USP26: variants seen among roughly 807,000 people sequenced by gnomAD.
The protein encoded by USP26 is ubiquitin carboxyl-terminal hydrolase 26.
For synonymous variants in USP26, 236 were observed against 240.6 expected (o/e 0.98, Z 0.18); for missense variants, 649 against 642.3 (o/e 1.01, Z -0.11).
chrX:133,078,386 C>T (rs1231907891), intron 5 of USP26, among the ~76,000 whole-genome samples: 1 of 111,445 alleles, frequency 9.0e-6, no homozygotes, highest in Non-Finnish European at 1.9e-5. Context: ...TAATGAAAAC[C>T]CCTCTGAACT....
intron 5 of USP26, among the ~76,000 whole-genome samples, chrX:133,065,640 A>G (rs1402121102): frequency 1.8e-5 from 2 of 112,160 alleles, no homozygotes; most frequent in Non-Finnish European, 3.8e-5. Flanking sequence ...GAATATCTCA[A>G]TGGATGCAGA....
chrX:133,089,212 C>T (rs1008662747), intron 4 of USP26, among the ~76,000 whole-genome samples: 6 of 110,863 alleles, frequency 5.4e-5, no homozygotes, highest in Non-Finnish European at 1.1e-4. Flanking sequence ...GTAGAGGAAT[C>T]ACAGGTATCT....
intron 4 of USP26, among the ~76,000 whole-genome samples, chrX:133,088,119 A>T (rs995222636): frequency 6.3e-5 from 7 of 111,667 alleles, no homozygotes. Context: ...GCAGTGAACC[A>T]TGATCATGCC....
At chrX:133,069,363 T>A (rs1175824101) in intron 5 of USP26, among the ~76,000 whole-genome samples, 1 of 111,390 alleles carries the variant, frequency 9.0e-6, no homozygotes, top group African/African-American at 3.3e-5. Context: ...AAAACTTCTT[T>A]GTCTACTAAC....
At position 133,074,896 on chromosome X, in the gene USP26, C is replaced by CAATAA. The variant is rs2067542563; in HGVS notation, c.-77+8810_-77+8811insTTATT. ...CAGGACAGAAGTAAAAATAGAAAAC[C>CAATAA]AATAGATTGTCAAGTCCTATGGCTG... is the stretch of plus-strand genomic sequence containing the variant. On this transcript the variant is annotated intron_variant, in intron 5 of 5. Coordinates refer to ENST00000511190, the MANE Select transcript of USP26 (RefSeq NM_031907.3). Among the ~76,000 whole-genome samples, 4 of 111,762 alleles carry CAATAA rather than the reference C, an allele frequency of 3.6e-5. No individual in the cohort carries two copies. The South Asian group carries it at 1.5e-3, about 42-fold the overall frequency.
intron 2 of USP26, among the ~76,000 whole-genome samples, chrX:133,091,095 G>A (rs2067605788): frequency 1.8e-5 from 2 of 112,389 alleles, no homozygotes; most frequent in Non-Finnish European, 3.7e-5. Context: ...CTGGAACCTT[G>A]TCATACCAGC....
chrX:133,047,243 A>G, intron 5 of USP26, among the ~76,000 whole-genome samples: 1 of 112,160 alleles, frequency 8.9e-6, no homozygotes, highest in Non-Finnish European at 1.9e-5. Flanking sequence ...ACTTATGTCC[A>G]GTGATCAGGG....
At chrX:133,034,082 G>T (rs1274063287) in intron 5 of USP26, among the ~76,000 whole-genome samples, 9 of 111,685 alleles carry the variant, frequency 8.1e-5, no homozygotes, top group African/African-American at 6.5e-5. Flanking sequence ...CCACGTTTGA[G>T]TTTTCCTGCC....
At chrX:133,096,029 G>A (rs1430355624) in intron 1 of USP26, among the ~76,000 whole-genome samples, 1 of 102,461 alleles carries the variant, frequency 9.8e-6, no homozygotes, top group Non-Finnish European at 2.0e-5. Context: ...ACAGGCATGA[G>A]CCACGGCGCC....
Position 133,025,748 on chromosome X carries a change from G to A in USP26, c.2473C>T (p.Arg825Trp), listed in dbSNP as rs747682836. Reference sequence around the variant, plus strand: ...AGATGGCTGACAACACTAATGAGCCGGTAGGTATGATCTCCCTTATCATCA... The same window carrying A: ...AGATGGCTGACAACACTAATGAGCCAGTAGGTATGATCTCCCTTATCATCA... ...RNDDKGDHTY[R>W]LISVVSHLGK... The change falls in exon 6 of 6, where the codon CGG (arginine) becomes TGG (tryptophan). Residue 825 changes from arginine to tryptophan, a missense_variant. Physicochemically the swap from Arg to Trp is moderately radical, Grantham distance 101. Transcript: ENST00000511190. 3 of 1,208,744 alleles carry A rather than the reference G, an allele frequency of 2.5e-6. No individual in the cohort carries two copies. Among genetic ancestry groups the A allele is most frequent in the South Asian group, 1.8e-5 (1 of 56,907 alleles).
At position 133,027,371 on chromosome X, in the gene USP26, G is replaced by A. The variant is rs750212033; in HGVS notation, c.850C>T (p.Leu284=). Residue 284 remains leucine, a synonymous_variant, in exon 6 of 6, where the codon CTA becomes TTA. Coordinates refer to ENST00000511190, the MANE Select transcript of USP26 (RefSeq NM_031907.3). ...DGYTKWDKLK[L]FFELFPEKIC... Reference sequence around the variant, plus strand: ...TTCTCTGGAAATAATTCAAAAAATAGTTTTAATTTATCCCACTTTGTGTAA... The same window carrying A: ...TTCTCTGGAAATAATTCAAAAAATAATTTTAATTTATCCCACTTTGTGTAA... 8.3e-7 allele frequency: 1 copy of A among 1,209,525 alleles called. No individual in the cohort carries two copies. The highest frequency in any genetic ancestry group is 1.7e-5 in the African/African-American group (1 of 57,181).
rs547044681 is a variant in USP26 at position 133,084,952 on chromosome X, G to A, written c.-141-1181C>T. 1.0e-4 allele frequency among the ~76,000 whole-genome samples: 11 copies of A among 109,730 alleles called. No homozygotes were observed. In the South Asian group the frequency reaches 4.4e-3, roughly 43 times the overall value. On this transcript the variant is annotated intron_variant, in intron 4 of 5. Transcript: ENST00000511190. The stretch of plus-strand genomic sequence containing the variant: ...TGTATCAGTCTTTTTCTTTTGAGAC[G>A]GAGTCTCACTCTGTCACCCAGGCTG...
chrX:133,089,704 T>C (rs2067600879), intron 4 of USP26, among the ~76,000 whole-genome samples: 1 of 112,413 alleles, frequency 8.9e-6, no homozygotes, highest in African/African-American at 3.2e-5. Context: ...TGAGTGCCTA[T>C]TGTGTACTAG....
chrX:133,050,599 T>C (rs1602977170), intron 5 of USP26, among the ~76,000 whole-genome samples: 1 of 110,975 alleles, frequency 9.0e-6, no homozygotes, highest in Non-Finnish European at 1.9e-5. Flanking sequence ...AAAGGTATAA[T>C]TTTTTTTTAA....
intron 5 of USP26, among the ~76,000 whole-genome samples, chrX:133,052,756 C>T (rs912397101): frequency 2.7e-5 from 3 of 111,784 alleles, no homozygotes; most frequent in Non-Finnish European, 5.6e-5. Context: ...TGTTAGTCAG[C>T]AGACAATCAG....
chrX:133,036,879 G>A lies in USP26; in HGVS notation c.-76-8583C>T, dbSNP rs778075695. 6.8e-4 allele frequency among the ~76,000 whole-genome samples: 76 copies of A among 112,467 alleles called. 1 individual carries two copies. Among genetic ancestry groups the A allele is most frequent in the African/African-American group, 2.3e-3 (71 of 30,948 alleles). Reference sequence around the variant, plus strand: ...TTTTAATGATCACATTCTAACTGGCGTAAGATTGTATCTCACTGTGGTTTT... The same window carrying A: ...TTTTAATGATCACATTCTAACTGGCATAAGATTGTATCTCACTGTGGTTTT... On this transcript the variant is annotated intron_variant, in intron 5 of 5. Transcript: ENST00000511190.
chrX:133,072,422 A>G (rs1488247194), intron 5 of USP26, among the ~76,000 whole-genome samples: 1 of 112,308 alleles, frequency 8.9e-6, no homozygotes, highest in African/African-American at 3.2e-5. Context: ...TTTCAAATAT[A>G]TACATTCACA....
In USP26 at chrX:133,027,261, A is replaced by G; in HGVS notation, c.960T>C (p.Ala320=). Residue 320 remains alanine, a synonymous_variant, in exon 6 of 6, where the codon GCT becomes GCC. Transcript: ENST00000511190. ...LQSLLSIPSF[A]DDLLNQSFPW... ...GGAAACTCTGATTAAGTAAATCATC[A>G]GCAAACGATGGGATTGAAAGTAGAG... The G allele has an allele frequency of 8.3e-7, 1 of 1,211,717 alleles. No homozygotes were observed. The highest frequency in any genetic ancestry group is 1.1e-6 in the Non-Finnish European group (1 of 895,333).
At chrX:133,091,295 C>G (rs1231715769) in intron 2 of USP26, 58 bp downstream of exon 2, 2 of 111,717 alleles carry the variant, frequency 1.8e-5, no homozygotes, top group African/African-American at 3.3e-5. Flanking sequence ...CCTATCTTTT[C>G]CCTCCTTGTA....
Sources: allele counts gnomAD v4.1 joint callset (sites outside exome capture counted in the v4.1 genomes callset), GRCh38; gene constraint gnomAD v4.1.1; transcripts MANE v1.5; gene names NCBI Gene and HGNC (gene_info 2026-07-23, HGNC 2026-07-21).